Variants in FAM222A observed in about 807,000 individuals in gnomAD.
FAM222A encodes family with sequence similarity 222 member A.
A neutral mutation model predicts 25.8 loss-of-function variants in FAM222A; 7 were observed. That is an observed-to-expected ratio of 0.27 (90% CI 0.15 to 0.51). The LOEUF (loss-of-function observed/expected upper bound fraction) is 0.51, where lower values mean the gene tolerates loss of function less well. Ranked by LOEUF, FAM222A falls within the 20% of genes least tolerant of loss-of-function variation. The pLI, the probability that FAM222A is intolerant of heterozygous loss-of-function variation, is 0.97. For missense variants in FAM222A, 573 were observed against 640.5 expected (o/e 0.89, Z 1.14); for synonymous variants, 294 against 298.8 (o/e 0.98, Z 0.17).
chr12:109,750,750 T>G (rs747593158), intron 2 of FAM222A, among the ~76,000 whole-genome samples: 5 of 151,908 alleles, frequency 3.3e-5, no homozygotes, highest in Non-Finnish European at 7.4e-5. Flanking sequence ...GAACGGTCTC[T>G]CTATTGCCTT....
At chr12:109,764,389 G>T (rs780831514) in intron 2 of FAM222A, among the ~76,000 whole-genome samples, 2 of 152,154 alleles carry the variant, frequency 1.3e-5, no homozygotes, top group Non-Finnish European at 2.9e-5. Flanking sequence ...TCAGTGAATG[G>T]GGACTAGGAA....
chr12:109,717,979 G>A (rs940932467), intron 1 of FAM222A, among the ~76,000 whole-genome samples: 66 of 152,272 alleles, frequency 4.3e-4, no homozygotes, highest in South Asian at 3.9e-3. Flanking sequence ...GGCCTGGATC[G>A]TACTCTCAGC....
chr12:109,741,788 G>A (rs1774820660), intron 1 of FAM222A, among the ~76,000 whole-genome samples: 1 of 152,206 alleles, frequency 6.6e-6, no homozygotes, highest in Non-Finnish European at 1.5e-5. Context: ...GTGCTGGGAG[G>A]CAAGGAGGTT....
chr12:109,735,052 G>C (rs1888048162), intron 1 of FAM222A, among the ~76,000 whole-genome samples: 1 of 152,146 alleles, frequency 6.6e-6, no homozygotes, highest in African/African-American at 2.4e-5. Flanking sequence ...ATTCATTTCT[G>C]CCCCAGCCTG....
chr12:109,730,264 C>A (rs1160650578), intron 1 of FAM222A, among the ~76,000 whole-genome samples: 2 of 152,202 alleles, frequency 1.3e-5, no homozygotes, highest in Non-Finnish European at 2.9e-5. Flanking sequence ...CAGTTTCTTA[C>A]CAGATGGCTT....
chr12:109,718,116 G>T (rs1175842816), intron 1 of FAM222A, among the ~76,000 whole-genome samples: 1 of 152,234 alleles, frequency 6.6e-6, no homozygotes, highest in African/African-American at 2.4e-5. Flanking sequence ...GGAGGGCCTA[G>T]CACAGCACAC....
At chr12:109,730,414 G>C (rs1887925792) in intron 1 of FAM222A, among the ~76,000 whole-genome samples, 1 of 150,154 alleles carries the variant, frequency 6.7e-6, no homozygotes, top group Non-Finnish European at 1.5e-5. Flanking sequence ...GGCGGGGGGG[G>C]GGGTTCCTCC....
At chr12:109,763,817 T>C (rs1300149280) in intron 2 of FAM222A, among the ~76,000 whole-genome samples, 1 of 152,168 alleles carries the variant, frequency 6.6e-6, no homozygotes, top group East Asian at 1.9e-4. Context: ...GAGTGGCAGA[T>C]CATGGAGGCC....
At chr12:109,719,937 G>A (rs1592776320) in intron 1 of FAM222A, among the ~76,000 whole-genome samples, 3 of 152,184 alleles carry the variant, frequency 2.0e-5, no homozygotes, top group Non-Finnish European at 4.4e-5. Flanking sequence ...CGGTGAGAGA[G>A]AGCACCTGCA....
rs138369097 is a variant in FAM222A at position 109,723,672 on chromosome 12, G to T, written c.-47+8775G>T. ...TGCTCCCACTCCTGGCGAAGGCTGG[G>T]GGATGCCCGGAGAGGGAGCTGGCAG... On this transcript the variant is annotated intron_variant, in intron 1 of 2. Transcript: ENST00000538780. Among the ~76,000 whole-genome samples, 411 of 152,340 alleles carry T rather than the reference G, an allele frequency of 2.7e-3. 2 individuals carry two copies. The highest frequency in any genetic ancestry group is 6.8e-3 in the Middle Eastern group (2 of 294).
At chr12:109,756,590 GCT>G (rs1229584955) in intron 2 of FAM222A, among the ~76,000 whole-genome samples, 4 of 152,264 alleles carry the variant, frequency 2.6e-5, no homozygotes, top group Non-Finnish European at 4.4e-5. Flanking sequence ...TTTGGCAAAT[GCT>G]CTGTGTCTAT....
intron 2 of FAM222A, among the ~76,000 whole-genome samples, chr12:109,760,372 A>T (rs1888858992): frequency 6.6e-6 from 1 of 152,150 alleles, no homozygotes; most frequent in African/African-American, 2.4e-5. Flanking sequence ...AAGAGGGCAC[A>T]TCAGTGTGAG....
At chr12:109,751,002 T>C (rs1380895324) in intron 2 of FAM222A, among the ~76,000 whole-genome samples, 2 of 152,156 alleles carry the variant, frequency 1.3e-5, no homozygotes, top group African/African-American at 2.4e-5. Flanking sequence ...CACAGTATTG[T>C]GCCCTTTCAG....
chr12:109,741,447 C>T (rs897993098), intron 1 of FAM222A, among the ~76,000 whole-genome samples: 1 of 152,194 alleles, frequency 6.6e-6, no homozygotes, highest in African/African-American at 2.4e-5. Flanking sequence ...GCCTGGCATC[C>T]ACCATAAGAG....
chr12:109,737,785 C>G (rs1566188930), intron 1 of FAM222A, among the ~76,000 whole-genome samples: 1 of 152,160 alleles, frequency 6.6e-6, no homozygotes, highest in Non-Finnish European at 1.5e-5. Flanking sequence ...CTCCTCCATG[C>G]TAATGTAATC....
chr12:109,730,386 T>A (rs1347171315), intron 1 of FAM222A, among the ~76,000 whole-genome samples: 2 of 126,760 alleles, frequency 1.6e-5, no homozygotes, highest in African/African-American at 3.0e-5. Context: ...AGGTACTACT[T>A]CTGGCACCTG....
At chr12:109,763,629 A>G (rs538922483) in intron 2 of FAM222A, among the ~76,000 whole-genome samples, 50 of 152,348 alleles carry the variant, frequency 3.3e-4, no homozygotes, top group South Asian at 8.3e-4. Context: ...CCCCAGAGCA[A>G]GTGGTCTGAG....
At chr12:109,724,761 G>C (rs529917949) in intron 1 of FAM222A, among the ~76,000 whole-genome samples, 1 of 152,232 alleles carries the variant, frequency 6.6e-6, no homozygotes, top group East Asian at 1.9e-4. Flanking sequence ...CCCTTGTGAG[G>C]TGGGGGTGAG....
chr12:109,718,916 CT>C (rs1422477299), intron 1 of FAM222A, among the ~76,000 whole-genome samples: 7 of 152,144 alleles, frequency 4.6e-5, no homozygotes, highest in Non-Finnish European at 4.4e-5. Context: ...ACCTGGACCC[CT>C]GATTGCTTAG....
Sources: gnomAD v4.1 joint callset for allele counts (sites outside exome capture counted in the v4.1 genomes callset) on GRCh38, gnomAD v4.1.1 for gene constraint, MANE v1.5 for transcripts, NCBI Gene and HGNC (gene_info 2026-07-23, HGNC 2026-07-21) for gene names.